Variants in SIPA1L1 observed in about 807,000 individuals in gnomAD.
SIPA1L1 encodes signal-induced proliferation-associated 1-like protein 1.
SIPA1L1 carries 26 observed loss-of-function variants against 162.7 expected under a neutral mutation model. That is an observed-to-expected ratio of 0.16 (90% confidence interval 0.12 to 0.22). SIPA1L1 has a LOEUF of 0.22. Among genes scored for constraint, SIPA1L1 ranks in the 10% least tolerant of loss-of-function variants. SIPA1L1 has a pLI of 1.00. For synonymous variants in SIPA1L1, 829 were observed against 837.4 expected (o/e 0.99, Z 0.17); for missense variants, 1,874 against 2,241.0 (o/e 0.84, Z 3.31).
chr14:71,443,870 T>A (rs17767553), intron 2 of SIPA1L1, among the ~76,000 whole-genome samples: 24,846 of 152,208 alleles, frequency 0.16, 2,640 homozygotes, highest in Middle Eastern at 0.34. Context: ...TGTCATCCTC[T>A]TGCTGCAAAT....
intron 4 of SIPA1L1, among the ~76,000 whole-genome samples, chr14:71,565,893 C>G (rs2030423805): frequency 6.6e-6 from 1 of 151,944 alleles, no homozygotes; most frequent in Admixed American, 6.6e-5. Context: ...TGTGCTTTTG[C>G]ATATATAAAT....
At chr14:71,393,589 G>A (rs930533034) in intron 2 of SIPA1L1, among the ~76,000 whole-genome samples, 1 of 152,064 alleles carries the variant, frequency 6.6e-6, no homozygotes, top group East Asian at 1.9e-4. Flanking sequence ...AGGAGGATCA[G>A]ATGAGGCAAG....
chr14:71,350,654 A>G (rs1187857473), intron 2 of SIPA1L1, among the ~76,000 whole-genome samples: 1 of 152,196 alleles, frequency 6.6e-6, no homozygotes, highest in African/African-American at 2.4e-5. Flanking sequence ...GGACATAGGA[A>G]ACTCTTACAA....
intron 5 of SIPA1L1, among the ~76,000 whole-genome samples, chr14:71,613,620 C>T (rs1248446056): frequency 2.0e-5 from 3 of 152,116 alleles, no homozygotes; most frequent in Admixed American, 6.6e-5. Flanking sequence ...ATTTGCTCAT[C>T]GAAGTCTTCC....
chr14:71,422,984 A>T (rs1454104780), intron 2 of SIPA1L1, among the ~76,000 whole-genome samples: 1 of 152,152 alleles, frequency 6.6e-6, no homozygotes, highest in Non-Finnish European at 1.5e-5. Context: ...ATCCTTGCCA[A>T]TACGTATTTT....
chr14:71,574,510 G>T, intron 4 of SIPA1L1: 1 of 152,270 alleles, frequency 6.6e-6, no homozygotes, highest in Non-Finnish European at 1.5e-5. Flanking sequence ...AAAACAGAGA[G>T]GCTATCTCCT....
intron 6 of SIPA1L1, among the ~76,000 whole-genome samples, chr14:71,621,731 C>T (rs2039470263): frequency 6.6e-6 from 1 of 152,182 alleles, no homozygotes; most frequent in South Asian, 2.1e-4. Context: ...TTGTTCAGTA[C>T]AACGTGCCCG....
At chr14:71,374,586 T>A (rs990782465) in intron 2 of SIPA1L1, among the ~76,000 whole-genome samples, 2 of 151,950 alleles carry the variant, frequency 1.3e-5, no homozygotes, top group African/African-American at 2.4e-5. Flanking sequence ...TTTAGTAAAG[T>A]GGTCATGCCT....
At chr14:71,644,710 T>C (rs1175034155) in intron 7 of SIPA1L1, among the ~76,000 whole-genome samples, 1 of 152,196 alleles carries the variant, frequency 6.6e-6, no homozygotes, top group Non-Finnish European at 1.5e-5. Flanking sequence ...AGGCTCATGG[T>C]GATAGGTGTA....
chr14:71,531,650 G>A (rs1356743129), intron 4 of SIPA1L1, among the ~76,000 whole-genome samples: 2 of 151,768 alleles, frequency 1.3e-5, no homozygotes, highest in African/African-American at 4.8e-5. Flanking sequence ...TTGCAGCCTC[G>A]ACCTCCCAGG....
intron 2 of SIPA1L1, among the ~76,000 whole-genome samples, chr14:71,485,119 A>G (rs1263108258): frequency 6.6e-6 from 1 of 152,244 alleles, no homozygotes; most frequent in Non-Finnish European, 1.5e-5. Context: ...ACAAAAACCA[A>G]ATGAAATGTG....
intron 5 of SIPA1L1, among the ~76,000 whole-genome samples, chr14:71,609,622 A>G (rs1567305497): frequency 6.6e-6 from 1 of 152,034 alleles, no homozygotes; most frequent in Non-Finnish European, 1.5e-5. Context: ...GCACACCACC[A>G]TGCCCAGCTA....
At chr14:71,541,791 C>T (rs147985076) in intron 4 of SIPA1L1, among the ~76,000 whole-genome samples, 1 of 152,120 alleles carries the variant, frequency 6.6e-6, no homozygotes, top group East Asian at 1.9e-4. Flanking sequence ...GCAACAGAAA[C>T]ATTAAGGTAT....
rs546097443 is a variant in SIPA1L1, at chr14:71,593,490, C to T, written c.1498+4120C>T. 1.6e-4 allele frequency among the ~76,000 whole-genome samples: 24 copies of T among 152,220 alleles called. No homozygotes were observed. In the South Asian group the frequency reaches 4.6e-3, roughly 29 times the overall value. On this transcript the variant is annotated intron_variant, in intron 5 of 23. Coordinates refer to ENST00000381232, the MANE Select transcript of SIPA1L1 (RefSeq NM_001386936.1). ...GCCTCCCAAAGTGCGGTATTACAAG[C>T]GTGAGCCACCGTACCTGGCCTTTTG...
At position 71,723,902 on chromosome 14, in the gene SIPA1L1, C is replaced by T. The variant is rs1214858403; in HGVS notation, c.4448+16C>T. ...ACACGAGAAAGTAAGAGTTACTTTC[C>T]TTCCCTTGCTGGTGGCTTGCTTTTA... On this transcript the variant is annotated intron_variant, in intron 18 of 23. Transcript: ENST00000381232. The T allele has an allele frequency of 6.2e-7, 1 of 1,613,480 alleles. No homozygotes were observed. Among genetic ancestry groups the T allele is most frequent in the Non-Finnish European group, 8.5e-7 (1 of 1,179,588 alleles).
intron 17 of SIPA1L1, 79 bp downstream of exon 17, chr14:71,709,743 T>C: frequency 8.2e-7 from 1 of 1,216,208 alleles, no homozygotes; most frequent in Non-Finnish European, 1.2e-6. Flanking sequence ...TTTACTTTGC[T>C]CAATAGTGTA....
At position 71,727,196 on chromosome 14, in the gene SIPA1L1, G is replaced by A. The variant is rs78137159; in HGVS notation, c.4614+2361G>A. ...CAGTCTGACAAGTGAACAGACAGTAGTGCCAGTGCTCTCAGGTATATACCA... is the reference window on the plus strand; with the variant it reads ...CAGTCTGACAAGTGAACAGACAGTAATGCCAGTGCTCTCAGGTATATACCA... On this transcript the variant is annotated intron_variant, in intron 19 of 23. Transcript: ENST00000381232. Among the ~76,000 whole-genome samples the A allele has an allele frequency of 2.0e-5, 3 of 152,260 alleles. No individual in the cohort carries two copies. In the East Asian group the frequency reaches 5.8e-4, roughly 29 times the overall value.
At chr14:71,403,060 A>T (rs927614448) in intron 2 of SIPA1L1, among the ~76,000 whole-genome samples, 2 of 152,160 alleles carry the variant, frequency 1.3e-5, no homozygotes, top group Non-Finnish European at 2.9e-5. Flanking sequence ...ATAATTATAT[A>T]TATTGAAATA....
chr14:71,364,165 A>G (rs1406254628), intron 2 of SIPA1L1, among the ~76,000 whole-genome samples: 1 of 152,228 alleles, frequency 6.6e-6, no homozygotes, highest in Non-Finnish European at 1.5e-5. Context: ...GAATGATGGC[A>G]TCATCACAGT....
Sources: gnomAD v4.1 joint callset for allele counts (sites outside exome capture counted in the v4.1 genomes callset) on GRCh38, gnomAD v4.1.1 for gene constraint, MANE v1.5 for transcripts, NCBI Gene and HGNC (gene_info 2026-07-23, HGNC 2026-07-21) for gene names.